The following PRDM10 variants were observed in gnomAD, a reference collection of about 807,000 sequenced individuals.
The protein encoded by PRDM10 is PR/SET domain 10, also known as PR domain zinc finger protein 10.
A neutral mutation model predicts 133.1 loss-of-function variants in PRDM10; 65 were observed. The ratio of observed to expected loss-of-function variants is 0.49; its 90% CI spans 0.40 to 0.60. The LOEUF is 0.60. PRDM10 is among the 20% of genes least tolerant of loss of function. The pLI is 0.00. For missense variants in PRDM10, 1,137 were observed against 1,507.1 expected (o/e 0.75, Z 4.07); for synonymous variants, 582 against 580.4 (o/e 1.00, Z -0.04).
intron 1 of PRDM10, among the ~76,000 whole-genome samples, chr11:129,988,826 T>A (rs565496159): frequency 1.3e-5 from 2 of 152,070 alleles, no homozygotes; most frequent in South Asian, 2.1e-4. Context: ...AGACGGGGTT[T>A]CACCGTGTTA....
At chr11:129,944,400 G>A (rs879383443) in intron 6 of PRDM10, among the ~76,000 whole-genome samples, 20 of 150,596 alleles carry the variant, frequency 1.3e-4, no homozygotes, top group Non-Finnish European at 2.7e-4. Context: ...CGAGACCACG[G>A]TGAAACCCCG....
rs777640644 is a variant in PRDM10, at chr11:129,914,934, C to T, written c.2611G>A (p.Val871Met). The change falls in exon 17 of 21, where the codon GTG becomes ATG. Residue 871 changes from valine (V) to methionine (M), a missense_variant. This residue lies in a region of PRDM10 where 113 missense variants were observed against 143.7 expected (regional missense o/e 0.79). Transcript: ENST00000360871. Reference sequence around the variant, plus strand: ...AAAACCGCTGGGGTGGCACTGATCACAGCTGTCGTCAGTGGTGTGTGTATG... The same window carrying T: ...AAAACCGCTGGGGTGGCACTGATCATAGCTGTCGTCAGTGGTGTGTGTATG... ...NTIHTPLTTA[V>M]ISATPAVLTT... is the part of the protein sequence containing the mutation. 3 of 1,614,176 alleles carry T rather than the reference C, an allele frequency of 1.9e-6. No individual in the cohort carries two copies. Among genetic ancestry groups the T allele is most frequent in the East Asian group, 2.2e-5 (1 of 44,886 alleles).
chr11:129,907,473 C>CG (rs766670458), intron 19 of PRDM10, among the ~76,000 whole-genome samples: 7 of 152,134 alleles, frequency 4.6e-5, no homozygotes, highest in Non-Finnish European at 8.8e-5. Context: ...GCCGCGATCT[C>CG]GGCTCACCAC....
intron 11 of PRDM10, among the ~76,000 whole-genome samples, chr11:129,929,005 GTTATAC>G (rs1217802911): frequency 6.6e-6 from 1 of 152,128 alleles, no homozygotes; most frequent in Admixed American, 6.5e-5. Flanking sequence ...ACTCTTCCAA[GTTATAC>G]TTTTACATTT....
chr11:129,958,449 C>G (rs1467831795), intron 2 of PRDM10, among the ~76,000 whole-genome samples: 1 of 152,064 alleles, frequency 6.6e-6, no homozygotes, highest in Non-Finnish European at 1.5e-5. Flanking sequence ...CAGGACCAGC[C>G]TGGCCAACAT....
At chr11:129,910,775 G>T in intron 18 of PRDM10, 119 bp from the exon 19 acceptor site, 2 of 1,001,374 alleles carry the variant, frequency 2.0e-6, no homozygotes, top group Non-Finnish European at 2.7e-6. Flanking sequence ...AACTATCGTT[G>T]CTATTTTTTT....
chr11:129,902,563 G>A (rs1335185134), intron 20 of PRDM10, 47 bp from the exon 21 acceptor site: 1 of 1,583,322 alleles, frequency 6.3e-7, no homozygotes, highest in Non-Finnish European at 8.6e-7. Context: ...GCCTTAAAGG[G>A]AGGGTGAAGC....
chr11:129,993,496 T>C (rs533708055), intron 1 of PRDM10, among the ~76,000 whole-genome samples: 3 of 152,284 alleles, frequency 2.0e-5, no homozygotes, highest in African/African-American at 7.2e-5. Context: ...ACACTATCTT[T>C]TTTTTTGAGA....
Position 129,923,085 on chromosome 11 carries a change from C to T in PRDM10, c.2034+163G>A, listed in dbSNP as rs975171702. Reference sequence around the variant, plus strand: ...TTTGAGGAAATGAGTAAGTTTTCCCCCTTAATTTTATAACTAAGTCAAACA... The same window carrying T: ...TTTGAGGAAATGAGTAAGTTTTCCCTCTTAATTTTATAACTAAGTCAAACA... On this transcript the variant is annotated intron_variant, in intron 13 of 20. Coordinates refer to ENST00000360871, the MANE Select transcript of PRDM10 (RefSeq NM_199437.2). The surrounding 1 kb of genome is among the most constrained non-coding windows in gnomAD (Gnocchi z 4.4). Among the ~76,000 whole-genome samples, 1 of 152,134 alleles carries T rather than the reference C, an allele frequency of 6.6e-6. No individual in the cohort carries two copies. Among genetic ancestry groups the T allele is most frequent in the Non-Finnish European group, 1.5e-5 (1 of 68,028 alleles).
chr11:129,970,255 C>T (rs1285684369), intron 1 of PRDM10, among the ~76,000 whole-genome samples: 2 of 152,216 alleles, frequency 1.3e-5, no homozygotes, highest in Non-Finnish European at 2.9e-5. Context: ...TTACACTAAC[C>T]ACACATATTG....
At chr11:129,999,074 T>A (rs111366667) in intron 1 of PRDM10, among the ~76,000 whole-genome samples, 1 of 152,092 alleles carries the variant, frequency 6.6e-6, no homozygotes, top group Admixed American at 6.5e-5. Context: ...CTGCCTGCCT[T>A]GGCCTCCCAG....
intron 1 of PRDM10, among the ~76,000 whole-genome samples, chr11:129,972,818 G>A (rs1591679773): frequency 6.6e-6 from 1 of 152,124 alleles, no homozygotes; most frequent in African/African-American, 2.4e-5. Context: ...CCAAGTCAAG[G>A]AAAAGTGCTT....
intron 17 of PRDM10, among the ~76,000 whole-genome samples, chr11:129,912,750 T>C (rs1950228562): frequency 8.7e-6 from 1 of 114,620 alleles, no homozygotes. Context: ...AGACTCCATC[T>C]CGAAAAAAAA....
Position 129,914,736 on chromosome 11 carries a change from G to A in PRDM10, c.2809C>T (p.His937Tyr). ...ACTTGAACCACTTGCAGCTGTATGT[G>A]CTGAGGCTGCTGGAGGCCAGACGCC... ...QSASGLQQPQHIQLQVVQVAS... is the reference protein window; with the variant it reads ...QSASGLQQPQYIQLQVVQVAS... The change falls in exon 17 of 21, where the codon CAC (histidine) becomes TAC (tyrosine). Residue 937 changes from histidine to tyrosine, a missense_variant. His to Tyr is a moderately conservative substitution (Grantham distance 83). Coordinates refer to ENST00000360871, the MANE Select transcript of PRDM10 (RefSeq NM_199437.2). 1.2e-6 allele frequency: 2 copies of A among 1,614,248 alleles called. No homozygotes were observed. The highest frequency in any genetic ancestry group is 1.7e-6 in the Non-Finnish European group (2 of 1,180,042).
intron 19 of PRDM10, among the ~76,000 whole-genome samples, chr11:129,908,540 T>C (rs1950083811): frequency 6.6e-6 from 1 of 152,186 alleles, no homozygotes; most frequent in Non-Finnish European, 1.5e-5. Flanking sequence ...TGGATCATTA[T>C]CCAGCTGGAG....
intron 1 of PRDM10, 49 bp downstream of exon 1, chr11:130,002,673 T>C (rs1591719459): frequency 6.5e-6 from 1 of 153,544 alleles, no homozygotes; most frequent in African/African-American, 2.4e-5. Flanking sequence ...GTCTATGGGG[T>C]AGTCTGGACC....
intron 3 of PRDM10, among the ~76,000 whole-genome samples, chr11:129,955,911 C>T (rs182655032): frequency 1.9e-3 from 286 of 152,190 alleles, no homozygotes; most frequent in African/African-American, 6.5e-3. Context: ...AACAAGGGTT[C>T]ACAGGTTCAC....
At chr11:129,991,908 T>C (rs1938779669) in intron 1 of PRDM10, among the ~76,000 whole-genome samples, 1 of 151,658 alleles carries the variant, frequency 6.6e-6, no homozygotes, top group South Asian at 2.1e-4. Flanking sequence ...AGAGAATCGC[T>C]TGAACCCAGG....
intron 2 of PRDM10, among the ~76,000 whole-genome samples, chr11:129,960,223 T>C (rs1349866215): frequency 6.6e-6 from 1 of 152,258 alleles, no homozygotes; most frequent in Non-Finnish European, 1.5e-5. Context: ...TACACGTGTA[T>C]GTTTACTACA....
Sources: allele counts gnomAD v4.1 joint callset (sites outside exome capture counted in the v4.1 genomes callset), GRCh38; gene constraint gnomAD v4.1.1; regional missense constraint gnomAD v4.1.1; non-coding constraint Gnocchi (gnomAD v3.1); transcripts MANE v1.5; gene names NCBI Gene and HGNC (gene_info 2026-07-23, HGNC 2026-07-21).